TBX15: variants seen among roughly 807,000 people sequenced by gnomAD.
TBX15 encodes the protein T-box transcription factor TBX15.
Under a neutral mutation model 53.9 loss-of-function variants are expected in TBX15, and 18 were observed. The ratio of observed to expected loss-of-function variants is 0.33; its 90% CI spans 0.23 to 0.49. The LOEUF (loss-of-function observed/expected upper bound fraction) is 0.49. Among genes scored for constraint, TBX15 ranks in the 20% least tolerant of loss-of-function variants. The probability of loss-of-function intolerance (pLI) is 0.98; values close to 1 mark genes in which losing one functional copy is unlikely to be tolerated. For missense variants in TBX15, 692 were observed against 749.5 expected, an observed-to-expected ratio of 0.92 and a Z score of 0.90; for synonymous variants, 295 against 278.0, an observed-to-expected ratio of 1.06 and a Z score of -0.61.
chr1:118,982,889 G>A (rs960810141), intron 1 of TBX15, among the ~76,000 whole-genome samples: 2 of 152,164 alleles, frequency 1.3e-5, no homozygotes, highest in Non-Finnish European at 2.9e-5. Flanking sequence ...ACCCAAAGTG[G>A]CAAGCTCAGA....
At chr1:118,905,513 G>T (rs1654786999) in intron 6 of TBX15, among the ~76,000 whole-genome samples, 1 of 152,184 alleles carries the variant, frequency 6.6e-6, no homozygotes, top group Admixed American at 6.5e-5. Flanking sequence ...AAACAGCTAT[G>T]GCCTGCATGA....
At chr1:118,918,692 G>A (rs996334132) in intron 5 of TBX15, among the ~76,000 whole-genome samples, 14 of 152,118 alleles carry the variant, frequency 9.2e-5, no homozygotes, top group Non-Finnish European at 1.5e-4. Context: ...GCACATAAGG[G>A]GGTGGTTGCC....
chr1:118,900,134 C>G (rs1306166426), intron 6 of TBX15, among the ~76,000 whole-genome samples: 1 of 152,040 alleles, frequency 6.6e-6, no homozygotes, highest in African/African-American at 2.4e-5. Context: ...AACTGCTTCA[C>G]TTAACTAAAC....
At position 118,987,926 on chromosome 1, in the gene TBX15, G is replaced by T. The variant is rs1657898570; in HGVS notation, c.-131C>A. 3 of 1,158,552 alleles carry T rather than the reference G, an allele frequency of 2.6e-6. No homozygotes were observed. The highest frequency in any genetic ancestry group is 1.5e-5 in the African/African-American group (1 of 64,764). The allele number at this position is 1,158,552 out of a possible 1,614,324, so 71.8% of individuals were successfully genotyped here. On this transcript the variant is annotated 5_prime_UTR_variant, in exon 1 of 8. Transcript: ENST00000369429. ...CGCGTCGGACGAGGCTGAGACTGCG[G>T]CTCGCGGGTCTCTCCACCCTCCCCC...
At chr1:118,973,160 C>A (rs887503027) in intron 1 of TBX15, among the ~76,000 whole-genome samples, 1 of 152,140 alleles carries the variant, frequency 6.6e-6, no homozygotes, top group African/African-American at 2.4e-5. Context: ...ATATTATTGC[C>A]CTCATTTGAC....
chr1:118,901,512 A>G, intron 6 of TBX15: 2 of 435,318 alleles, frequency 4.6e-6, no homozygotes, highest in Non-Finnish European at 9.1e-6. Flanking sequence ...GAAGACTGTG[A>G]CAAAAGTGTT....
chr1:118,946,857 G>A (rs568367509), intron 1 of TBX15, among the ~76,000 whole-genome samples: 5 of 152,264 alleles, frequency 3.3e-5, no homozygotes, highest in Non-Finnish European at 5.9e-5. Context: ...GAATGAAAAC[G>A]TGGCTTTTCC....
intron 1 of TBX15, among the ~76,000 whole-genome samples, chr1:118,944,950 C>G (rs1161022478): frequency 6.6e-6 from 1 of 152,196 alleles, no homozygotes; most frequent in African/African-American, 2.4e-5. Flanking sequence ...TGACCTGTTT[C>G]CTTCTTAGGA....
intron 2 of TBX15, among the ~76,000 whole-genome samples, chr1:118,927,150 T>C (rs1655627414): frequency 6.6e-6 from 1 of 152,230 alleles, no homozygotes; most frequent in Non-Finnish European, 1.5e-5. Flanking sequence ...CTTATACTAC[T>C]GAACTACTAT....
Position 118,885,530 on chromosome 1 carries a change from C to A in TBX15, c.1025-14G>T, listed in dbSNP as rs1653910473. The A allele has an allele frequency of 6.4e-7, 1 of 1,563,600 alleles. No individual in the cohort carries two copies. Among genetic ancestry groups the A allele is most frequent in the South Asian group, 1.2e-5 (1 of 85,362 alleles). On this transcript the variant is annotated splice_polypyrimidine_tract_variant and intron_variant, in intron 7 of 7. Coordinates refer to ENST00000369429, the MANE Select transcript of TBX15 (RefSeq NM_001330677.2). ...CTGTGCTGCCTCCTGAAAAATAAAA[C>A]GTGAATACTATTGAGACAGAGTCTT...
At chr1:118,981,241 C>T (rs1657635957) in intron 1 of TBX15, among the ~76,000 whole-genome samples, 1 of 151,682 alleles carries the variant, frequency 6.6e-6, no homozygotes, top group African/African-American at 2.4e-5. Context: ...TCCCATGATA[C>T]CTAGGGGTGA....
At chr1:118,917,181 A>T (rs948412623) in intron 5 of TBX15, among the ~76,000 whole-genome samples, 8 of 152,248 alleles carry the variant, frequency 5.3e-5, no homozygotes, top group Non-Finnish European at 1.2e-4. Context: ...ATGCCCATCA[A>T]TAATAGACTG....
intron 4 of TBX15, among the ~76,000 whole-genome samples, chr1:118,923,970 A>C (rs1370430234): frequency 6.6e-6 from 1 of 152,218 alleles, no homozygotes; most frequent in African/African-American, 2.4e-5. Flanking sequence ...TGCTGTCTTT[A>C]AATTCTACAT....
Position 118,884,310 on chromosome 1 carries a change from T to A in TBX15, c.*422A>T, listed in dbSNP as rs1417140719. ...GTCAGTGTGCATGTATGATTGCATG[T>A]GTATGAATTGTGTATGAATATGTAT... On this transcript the variant is annotated 3_prime_UTR_variant, in exon 8 of 8. Transcript: ENST00000369429. 1 of 210,830 alleles carries A rather than the reference T, an allele frequency of 4.7e-6. No homozygotes were observed. The highest frequency in any genetic ancestry group is 1.2e-4 in the East Asian group (1 of 8,282). The allele number at this position is 210,830 out of a possible 1,614,324, so 13.1% of individuals were successfully genotyped here.
intron 6 of TBX15, among the ~76,000 whole-genome samples, chr1:118,913,895 T>C (rs1000750147): frequency 2.0e-5 from 3 of 152,184 alleles, no homozygotes; most frequent in Non-Finnish European, 4.4e-5. Flanking sequence ...CTAAATATGA[T>C]GTGGGGAAGA....
chr1:118,982,416 T>C (rs959738553), intron 1 of TBX15, among the ~76,000 whole-genome samples: 3 of 152,226 alleles, frequency 2.0e-5, no homozygotes, highest in South Asian at 2.1e-4. Flanking sequence ...AATAATAGCA[T>C]TGCATGCCCT....
At chr1:118,897,241 G>A (rs1261850223) in intron 7 of TBX15, among the ~76,000 whole-genome samples, 1 of 152,160 alleles carries the variant, frequency 6.6e-6, no homozygotes, top group Non-Finnish European at 1.5e-5. Flanking sequence ...ATATTAGGTG[G>A]TTGTGCTCCA....
At chr1:118,931,580 AT>A (rs1655781111) in intron 2 of TBX15, 38 bp downstream of exon 2, 1 of 1,609,316 alleles carries the variant, frequency 6.2e-7, no homozygotes, top group East Asian at 2.2e-5. Flanking sequence ...ACTTCTGCAA[AT>A]TCTTTGAATC....
At chr1:118,988,455 C>G (rs1657921229), upstream of TBX15, 1 of 152,326 alleles carries the variant, frequency 6.6e-6, no homozygotes, top group Non-Finnish European at 1.5e-5. Flanking sequence ...GACTGAGGCC[C>G]GGGCCAAAGC....
Sources: allele counts gnomAD v4.1 joint callset (sites outside exome capture counted in the v4.1 genomes callset), GRCh38; gene constraint gnomAD v4.1.1; transcripts MANE v1.5; gene names NCBI Gene and HGNC (gene_info 2026-07-23, HGNC 2026-07-21).